RNF182: variants seen among roughly 807,000 people sequenced by gnomAD.
RNF182 encodes ring finger protein 182, also known as E3 ubiquitin-protein ligase RNF182.
Under a neutral mutation model 14.4 loss-of-function variants are expected in RNF182, and 15 were observed. The ratio of observed to expected loss-of-function variants is 1.04; its 90% confidence interval spans 0.70 to 1.60. The LOEUF (loss-of-function observed/expected upper bound fraction) is 1.60. Ranked by LOEUF, RNF182 falls within the 40% of genes most tolerant of loss-of-function variation. RNF182 has a pLI of 0.00. For missense variants in RNF182, 268 were observed against 294.8 expected, an observed-to-expected ratio of 0.91 and a Z score of 0.67; for synonymous variants, 128 against 122.9, an observed-to-expected ratio of 1.04 and a Z score of -0.27.
intron 1 of RNF182, among the ~76,000 whole-genome samples, chr6:13,964,541 C>T (rs543151609): frequency 5.3e-5 from 8 of 152,286 alleles, no homozygotes; most frequent in African/African-American, 1.9e-4. Flanking sequence ...CAATTCTACT[C>T]TATCTGCCTT....
intron 1 of RNF182, among the ~76,000 whole-genome samples, chr6:13,961,883 G>A (rs1759893142): frequency 6.6e-6 from 1 of 152,156 alleles, no homozygotes; most frequent in Admixed American, 6.5e-5. Flanking sequence ...AATTCTTCTA[G>A]AGTCAGCTGA....
Position 13,925,021 on chromosome 6 carries a change from CAGGTAAGGCGATCGCG to C in RNF182, c.-368_-367+14del, listed in dbSNP as rs1758778857. 3.3e-5 allele frequency: 5 copies of C among 150,342 alleles called. No homozygotes were observed. The highest frequency in any genetic ancestry group is 7.3e-5 in the African/African-American group (3 of 41,080). The allele number at this position is 150,342 out of a possible 1,614,324, so 9.3% of individuals were successfully genotyped here. A position where few individuals can be genotyped will look rare whatever the true frequency, so the allele number is the denominator to read the frequency against. ...TCCCGGGCCCTGGGCCGCCGCCGGC[CAGGTAAGGCGATCGCG>C]CCCGCGGCCGGGGAGGGGTCGGCGG... On this transcript the variant is annotated splice_donor_variant and splice_donor_5th_base_variant and 5_prime_UTR_variant and intron_variant, in exon 1 of 3. Transcript: ENST00000488300. LOFTEE classifies it low-confidence loss of function (5UTR_SPLICE).
intron 1 of RNF182, among the ~76,000 whole-genome samples, chr6:13,939,510 GTTTTTATT>G (rs1350873521): frequency 6.6e-6 from 1 of 151,298 alleles, no homozygotes; most frequent in African/African-American, 2.4e-5. Flanking sequence ...ATACATTTTT[GTTTTTATT>G]TTTTTATTTT....
At chr6:13,961,332 T>G (rs1356795380) in intron 1 of RNF182, 2 of 152,230 alleles carry the variant, frequency 1.3e-5, no homozygotes, top group African/African-American at 4.8e-5. Flanking sequence ...TGCTTATGTA[T>G]GTAAAGTATT....
In RNF182 at chr6:13,977,859, C is replaced by G; in HGVS notation, c.740C>G (p.Ser247Cys). 2 of 1,606,056 alleles carry G rather than the reference C, an allele frequency of 1.2e-6. No individual in the cohort carries two copies. Among genetic ancestry groups the G allele is most frequent in the South Asian group, 2.2e-5 (2 of 90,458 alleles). Residue 247 changes from serine (S) to cysteine (C), a missense_variant, in exon 3 of 3, where the codon TCT becomes TGT. By Grantham distance (112) the Ser-to-Cys change is moderately radical. Coordinates refer to ENST00000488300, the MANE Select transcript of RNF182 (RefSeq NM_152737.4). ...TTTCTAGACTGTATGGCACCTCCTT[C>G]TTAACTGATATGCAAAATAAGAAAT... The part of the protein sequence containing the change: ...HEFLDCMAPP[S>C]
chr6:13,943,778 G>A (rs986246701), intron 1 of RNF182, among the ~76,000 whole-genome samples: 2 of 152,148 alleles, frequency 1.3e-5, no homozygotes, highest in African/African-American at 4.8e-5. Flanking sequence ...GTAGGGGAGA[G>A]ACCTCAGTGT....
intron 1 of RNF182, among the ~76,000 whole-genome samples, chr6:13,967,125 C>T (rs1052983377): frequency 6.6e-6 from 1 of 152,010 alleles, no homozygotes; most frequent in African/African-American, 2.4e-5. Context: ...GGCTGTGTAC[C>T]ACATCTCTGG....
intron 1 of RNF182, among the ~76,000 whole-genome samples, chr6:13,927,037 A>C (rs1458443289): frequency 6.6e-6 from 1 of 152,184 alleles, no homozygotes; most frequent in Non-Finnish European, 1.5e-5. Context: ...CGGGCACAAC[A>C]TTCAATATAG....
At chr6:13,960,167 G>A (rs1247001263) in intron 1 of RNF182, among the ~76,000 whole-genome samples, 1 of 152,164 alleles carries the variant, frequency 6.6e-6, no homozygotes, top group Non-Finnish European at 1.5e-5. Flanking sequence ...AGACAGAAAA[G>A]GATCCATTTG....
chr6:13,974,816 G>T (rs892920664), intron 2 of RNF182, among the ~76,000 whole-genome samples: 2 of 151,964 alleles, frequency 1.3e-5, no homozygotes, highest in Non-Finnish European at 1.5e-5. Context: ...CTTTTTTTCT[G>T]ATGTCTTTAT....
At chr6:13,951,307 A>G (rs1759585378) in intron 1 of RNF182, among the ~76,000 whole-genome samples, 1 of 152,222 alleles carries the variant, frequency 6.6e-6, no homozygotes, top group Non-Finnish European at 1.5e-5. Context: ...CTAGGGCCTA[A>G]TAAGCAGGCA....
chr6:13,961,633 A>G (rs552878747), intron 1 of RNF182: 88 of 152,340 alleles, frequency 5.8e-4, no homozygotes, highest in African/African-American at 1.9e-3. Flanking sequence ...GGCAAACAGC[A>G]CAGCATAAAT....
rs1480545862 is a variant in RNF182, at chr6:13,977,253, C to T, written c.134C>T (p.Ala45Val). The part of the protein sequence containing the change: ...KVLECCHRVC[A>V]KCLYKIIDFG... ...CTGGAGTGTTGTCATAGGGTTTGTG[C>T]CAAATGCCTCTACAAGATCATAGAC... The change falls in exon 3 of 3, where the codon GCC (alanine) becomes GTC (valine). Residue 45 changes from alanine (A) to valine (V), a missense_variant. Ala to Val is a moderately conservative substitution (Grantham distance 64). Coordinates refer to ENST00000488300, the MANE Select transcript of RNF182 (RefSeq NM_152737.4). 3 of 1,614,060 alleles carry T rather than the reference C, an allele frequency of 1.9e-6. No individual in the cohort carries two copies. In the East Asian group the frequency reaches 6.7e-5, roughly 36 times the overall value.
At chr6:13,928,544 T>C (rs2113574059) in intron 1 of RNF182, among the ~76,000 whole-genome samples, 1 of 152,382 alleles carries the variant, frequency 6.6e-6, no homozygotes, top group South Asian at 2.1e-4. Context: ...TTTCCAGAGC[T>C]TATTTTAAAA....
intron 1 of RNF182, among the ~76,000 whole-genome samples, chr6:13,955,180 G>A (rs1024098352): frequency 7.2e-5 from 11 of 152,160 alleles, no homozygotes; most frequent in Admixed American, 2.0e-4. Flanking sequence ...AGCGTTGGAC[G>A]GGATGTGCAT....
intron 1 of RNF182, among the ~76,000 whole-genome samples, chr6:13,970,980 C>T (rs950910474): frequency 3.9e-5 from 6 of 152,042 alleles, no homozygotes; most frequent in African/African-American, 1.2e-4. Context: ...GTACAGAAGA[C>T]GTACTGTGTG....
rs553994480 is a variant in RNF182 at position 13,932,327 on chromosome 6, A to G, written c.-367+7304A>G. Among the ~76,000 whole-genome samples, 19 of 152,328 alleles carry G rather than the reference A, an allele frequency of 1.2e-4. 1 individual carries two copies. Among genetic ancestry groups the G allele is most frequent in the African/African-American group, 4.6e-4 (19 of 41,590 alleles). On this transcript the variant is annotated intron_variant, in intron 1 of 2. Transcript: ENST00000488300. ...TAATTTTCTTTAGGCCTTTAAGTTC[A>G]ACTTGCATATGTTAATACTCTGTTT...
intron 1 of RNF182, among the ~76,000 whole-genome samples, chr6:13,965,852 A>T (rs979376448): frequency 6.6e-6 from 1 of 152,212 alleles, no homozygotes; most frequent in Non-Finnish European, 1.5e-5. Context: ...CCGAGGGCTT[A>T]TATAGCAGGG....
At chr6:13,928,811 A>G (rs903681852) in intron 1 of RNF182, among the ~76,000 whole-genome samples, 4 of 151,884 alleles carry the variant, frequency 2.6e-5, no homozygotes, top group African/African-American at 4.8e-5. Context: ...AAAGAGATCA[A>G]TACATACTGA....
Sources: allele counts gnomAD v4.1 joint callset (sites outside exome capture counted in the v4.1 genomes callset), GRCh38; gene constraint gnomAD v4.1.1; transcripts MANE v1.5; gene names NCBI Gene and HGNC (gene_info 2026-07-23, HGNC 2026-07-21).